The following DHRS4L2 variants were observed in gnomAD, a reference collection of about 807,000 sequenced individuals.
DHRS4L2 encodes the protein dehydrogenase/reductase SDR family member 4-like 2.
DHRS4L2 carries 22 observed loss-of-function variants against 23.9 expected under a neutral mutation model. That is an observed-to-expected ratio of 0.92 (90% CI 0.66 to 1.31). DHRS4L2 has a LOEUF of 1.31. Among genes scored for constraint, DHRS4L2 ranks in the 40% most tolerant of loss-of-function variants. The pLI, the probability that DHRS4L2 is intolerant of heterozygous loss-of-function variation, is 0.00. For missense variants in DHRS4L2, 385 were observed against 303.3 expected (o/e 1.27, Z -2.00); for synonymous variants, 141 against 123.7 (o/e 1.14, Z -0.93).
At chr14:23,984,061 AG>A (rs764905267), upstream of DHRS4L2, among the ~76,000 whole-genome samples, 3 of 151,656 alleles carry the variant, frequency 2.0e-5, no homozygotes, top group Non-Finnish European at 2.9e-5. Context: ...TGTAAAAAAA[AG>A]AAATTAAAAA....
intron 3 of DHRS4L2, 92 bp downstream of exon 3, chr14:23,995,225 T>A (rs927045690): frequency 2.1e-6 from 3 of 1,460,632 alleles, no homozygotes; most frequent in Admixed American, 3.4e-5. Context: ...TCAAGGGCAG[T>A]GTAAATGTGA....
chr14:23,992,264 G>A (rs377254984), intron 2 of DHRS4L2, among the ~76,000 whole-genome samples: 6 of 151,518 alleles, frequency 4.0e-5, no homozygotes, highest in African/African-American at 1.2e-4. Flanking sequence ...GAGCAGTGGC[G>A]GCGGGACTGG....
At chr14:23,975,276 C>A (rs910780934) in intron 1 of DHRS4L2, among the ~76,000 whole-genome samples, 1 of 151,690 alleles carries the variant, frequency 6.6e-6, no homozygotes, top group Non-Finnish European at 1.5e-5. Flanking sequence ...CACAAGCATT[C>A]CTATATGCAA....
At chr14:23,989,940 C>T (rs1385940189) in intron 1 of DHRS4L2, among the ~76,000 whole-genome samples, 1 of 151,768 alleles carries the variant, frequency 6.6e-6, no homozygotes, top group African/African-American at 2.4e-5. Context: ...GTGGTGGGAA[C>T]TGTAGAAAGT....
chr14:23,979,205 C>T lies in DHRS4L2; in HGVS notation c.-176+8873C>T, dbSNP rs568095065. Reference sequence around the variant, plus strand: ...AAGATCAAAAGAGACAAGGCCATTACATAATGGTAAAGGGATCAATTCAAC... The same window carrying T: ...AAGATCAAAAGAGACAAGGCCATTATATAATGGTAAAGGGATCAATTCAAC... On this transcript the variant is annotated intron_variant, in intron 1 of 5. Coordinates refer to the DHRS4L2 transcript ENST00000534993. 3.3e-5 allele frequency among the ~76,000 whole-genome samples: 5 copies of T among 149,378 alleles called. 1 individual carries two copies. Among genetic ancestry groups the T allele is most frequent in the African/African-American group, 1.2e-4 (5 of 40,488 alleles).
rs550238663 is a variant in DHRS4L2, at chr14:23,982,046, T to G, written c.-175-8136T>G. Among the ~76,000 whole-genome samples the G allele has an allele frequency of 3.0e-4, 45 of 150,112 alleles. No homozygotes were observed. The East Asian group carries it at 5.7e-3, about 19-fold the overall frequency. The stretch of plus-strand genomic sequence containing the variant: ...ACTGCAAGAGGCCTTCCTCTTTTAT[T>G]AATCCTCCTCAGCACAGACCCTTCA... On this transcript the variant is annotated intron_variant, in intron 1 of 5. Coordinates refer to the DHRS4L2 transcript ENST00000534993.
chr14:23,996,547 T>TA (rs2034385940), intron 3 of DHRS4L2, among the ~76,000 whole-genome samples: 1 of 150,730 alleles, frequency 6.6e-6, no homozygotes, highest in African/African-American at 2.4e-5. Context: ...TTCTCTTTCT[T>TA]AAACCATCTT....
chr14:23,971,762 G>A (rs146235384), intron 1 of DHRS4L2, among the ~76,000 whole-genome samples: 1,569 of 152,158 alleles, frequency 0.01, 22 homozygotes, highest in African/African-American at 0.036. Context: ...AAAATCCTTT[G>A]CAGACAAGGA....
At chr14:24,005,780 G>A in intron 7 of DHRS4L2, 106 bp from the exon 8 acceptor site, 1 of 1,548,144 alleles carries the variant, frequency 6.5e-7, no homozygotes, top group Non-Finnish European at 8.7e-7. Flanking sequence ...ATCCTGAAAA[G>A]TCATCTGATA....
At chr14:23,984,409 C>T (rs1277299723), upstream of DHRS4L2, among the ~76,000 whole-genome samples, 1 of 151,584 alleles carries the variant, frequency 6.6e-6, no homozygotes, top group African/African-American at 2.4e-5. Flanking sequence ...TGAAAAGTAT[C>T]AATCCCCCAA....
chr14:23,988,821 C>T (rs1423766560), upstream of DHRS4L2: 36 of 1,420,316 alleles, frequency 2.5e-5, 2 homozygotes, highest in African/African-American at 4.2e-4. Flanking sequence ...CCGCCACAGA[C>T]GACTCCCAGC....
chr14:23,987,502 C>A (rs189059791), upstream of DHRS4L2, among the ~76,000 whole-genome samples: 6 of 151,700 alleles, frequency 4.0e-5, no homozygotes, highest in African/African-American at 1.2e-4. Context: ...AACATGAATT[C>A]TATTCAAAAG....
At chr14:23,975,123 T>A (rs563001497) in intron 1 of DHRS4L2, among the ~76,000 whole-genome samples, 1 of 151,596 alleles carries the variant, frequency 6.6e-6, no homozygotes, top group South Asian at 2.1e-4. Flanking sequence ...GGTATTCAAT[T>A]AGGAAAAGAG....
intron 3 of DHRS4L2, among the ~76,000 whole-genome samples, chr14:23,995,826 T>C (rs550625711): frequency 4.8e-4 from 73 of 151,936 alleles, no homozygotes; most frequent in South Asian, 3.5e-3. Flanking sequence ...TCCCACATGA[T>C]TGGGAAATGC....
intron 3 of DHRS4L2, among the ~76,000 whole-genome samples, chr14:23,996,903 G>A (rs1213654893): frequency 2.6e-5 from 4 of 151,954 alleles, no homozygotes; most frequent in Admixed American, 2.0e-4. Context: ...CCAAAATATT[G>A]GGATTACAGG....
At chr14:23,977,043 T>C (rs201169122) in intron 1 of DHRS4L2, among the ~76,000 whole-genome samples, 20 of 151,856 alleles carry the variant, frequency 1.3e-4, no homozygotes, top group Admixed American at 1.3e-4. Flanking sequence ...ACCTGATACA[T>C]GTATACCTAT....
At chr14:23,985,663 G>A (rs887749150), upstream of DHRS4L2, among the ~76,000 whole-genome samples, 2 of 151,580 alleles carry the variant, frequency 1.3e-5, no homozygotes, top group Non-Finnish European at 2.9e-5. Context: ...CCATTTCAGA[G>A]AGATACTCCC....
chr14:23,999,662 CT>C (rs2034450975), intron 3 of DHRS4L2, among the ~76,000 whole-genome samples: 1 of 138,648 alleles, frequency 7.2e-6, no homozygotes, highest in Non-Finnish European at 1.5e-5. Flanking sequence ...GAACATTGTA[CT>C]ATCTGCAACT....
intron 6 of DHRS4L2, among the ~76,000 whole-genome samples, chr14:24,002,134 C>T (rs2034504692): frequency 1.0e-5 from 1 of 98,866 alleles, no homozygotes; most frequent in African/African-American, 7.4e-5. Flanking sequence ...CTCCCCACTC[C>T]CCCGACCCCA....
Sources: allele counts gnomAD v4.1 joint callset (sites outside exome capture counted in the v4.1 genomes callset), GRCh38; gene constraint gnomAD v4.1.1; transcripts MANE v1.5; gene names NCBI Gene and HGNC (gene_info 2026-07-23, HGNC 2026-07-21).